The following DUSP16 variants were observed in gnomAD, a reference collection of about 807,000 sequenced individuals.
DUSP16 encodes dual specificity phosphatase 16.
In DUSP16, 21 loss-of-function variants were observed where a neutral mutation model predicts 58.3. The observed-to-expected ratio is 0.36, with a 90% confidence interval of 0.26 to 0.52. DUSP16 has a LOEUF of 0.52. Among genes scored for constraint, DUSP16 ranks in the 20% least tolerant of loss-of-function variants. DUSP16 has a pLI of 0.94. For synonymous variants in DUSP16, 320 were observed against 323.8 expected (o/e 0.99, Z 0.12); for missense variants, 726 against 819.0 (o/e 0.89, Z 1.39).
At chr12:12,537,950 C>T (rs957147301) in intron 1 of DUSP16, among the ~76,000 whole-genome samples, 15 of 152,056 alleles carry the variant, frequency 9.9e-5, no homozygotes, top group Admixed American at 9.8e-4. Flanking sequence ...CGAGCACCAA[C>T]TAGATTCAAT....
chr12:12,550,098 C>T (rs1944703655), intron 1 of DUSP16, among the ~76,000 whole-genome samples: 1 of 152,026 alleles, frequency 6.6e-6, no homozygotes, highest in South Asian at 2.1e-4. Flanking sequence ...CATGGTGAAA[C>T]CCTGTCTCTA....
intron 1 of DUSP16, among the ~76,000 whole-genome samples, chr12:12,543,733 A>T (rs1374354143): frequency 1.3e-5 from 2 of 152,148 alleles, no homozygotes; most frequent in African/African-American, 4.8e-5. Flanking sequence ...TTTTGTGAAG[A>T]GAAAAAAAGA....
intron 1 of DUSP16, among the ~76,000 whole-genome samples, chr12:12,540,780 T>G (rs908405822): frequency 2.0e-5 from 3 of 151,882 alleles, no homozygotes; most frequent in Non-Finnish European, 2.9e-5. Flanking sequence ...GTCAAGAGGT[T>G]TGGAGGGAGC....
chr12:12,484,971 A>G (rs1340494726), intron 5 of DUSP16, among the ~76,000 whole-genome samples: 1 of 151,012 alleles, frequency 6.6e-6, no homozygotes, highest in African/African-American at 2.4e-5. Flanking sequence ...TAGAAGTACA[A>G]TGGGAGGGTG....
intron 6 of DUSP16, among the ~76,000 whole-genome samples, chr12:12,478,484 G>A (rs757261701): frequency 1.3e-5 from 2 of 152,026 alleles, no homozygotes; most frequent in East Asian, 1.9e-4. Flanking sequence ...AGGACTACAC[G>A]CTTGGCTAAT....
chr12:12,500,628 G>A lies in DUSP16; in HGVS notation c.422C>T (p.Thr141Ile). ...CFPGLCEGKSTLVPTCISQPC... is the reference protein window; with the variant it reads ...CFPGLCEGKSILVPTCISQPC... ...CTGAGAAATGCAGGTAGGGACTAGAGTGGATTTTCCTTCACAGAGGCCAGG... is the reference window on the plus strand; with the variant it reads ...CTGAGAAATGCAGGTAGGGACTAGAATGGATTTTCCTTCACAGAGGCCAGG... The change falls in exon 4 of 7, where the codon ACT becomes ATT. Residue 141 changes from threonine to isoleucine, a missense_variant. Transcript: ENST00000298573. The A allele has an allele frequency of 1.2e-6, 2 of 1,609,850 alleles. No homozygotes were observed. The highest frequency in any genetic ancestry group is 1.7e-5 in the Admixed American group (1 of 59,294).
intron 3 of DUSP16, among the ~76,000 whole-genome samples, chr12:12,501,418 T>A (rs1943908305): frequency 6.6e-6 from 1 of 152,206 alleles, no homozygotes; most frequent in Admixed American, 6.5e-5. Flanking sequence ...GTCCTTACAA[T>A]GATCTGCTCT....
chr12:12,519,995 G>C lies in DUSP16; in HGVS notation c.234C>G (p.Asp78Glu). 1 of 1,614,044 alleles carries C rather than the reference G, an allele frequency of 6.2e-7. No individual in the cohort carries two copies. Among genetic ancestry groups the C allele is most frequent in the Non-Finnish European group, 8.5e-7 (1 of 1,179,940 alleles). ...CTACAACCTTCTGACTGCAATCAAT[G>C]TCAACCTGAAATGCAAACATGAGGC... Reference protein sequence around the residue: ...LIQHSAKHKVDIDCSQKVVVY... With the variant: ...LIQHSAKHKVEIDCSQKVVVY... Residue 78 changes from aspartate to glutamate, a missense_variant, in exon 3 of 7, where the codon GAC (aspartate) becomes GAG (glutamate). Transcript: ENST00000298573.
chr12:12,542,143 G>A (rs886721712), intron 1 of DUSP16, among the ~76,000 whole-genome samples: 4 of 152,158 alleles, frequency 2.6e-5, no homozygotes, highest in South Asian at 2.1e-4. Context: ...TTCAGAGGCC[G>A]AGGTGGGCGG....
chr12:12,557,772 C>T (rs933402168), intron 1 of DUSP16, among the ~76,000 whole-genome samples: 2 of 152,152 alleles, frequency 1.3e-5, no homozygotes, highest in African/African-American at 4.8e-5. Context: ...TGTTTATTGT[C>T]CTGTCTTCTC....
chr12:12,555,853 G>A (rs150238689), intron 1 of DUSP16, among the ~76,000 whole-genome samples: 2 of 152,058 alleles, frequency 1.3e-5, no homozygotes, highest in East Asian at 3.9e-4. Context: ...GACTAGCTGG[G>A]CAACATAGCA....
At chr12:12,538,400 T>C (rs910369611) in intron 1 of DUSP16, among the ~76,000 whole-genome samples, 2 of 152,170 alleles carry the variant, frequency 1.3e-5, no homozygotes, top group Non-Finnish European at 2.9e-5. Context: ...TTCCACTTAG[T>C]CTAGTGCATG....
intron 1 of DUSP16, among the ~76,000 whole-genome samples, chr12:12,529,957 T>C (rs890616168): frequency 2.0e-5 from 3 of 152,234 alleles, no homozygotes; most frequent in African/African-American, 7.2e-5. Context: ...CTTAGGTTGA[T>C]TCCTTATCTT....
chr12:12,523,060 T>C (rs1459007159), intron 1 of DUSP16, among the ~76,000 whole-genome samples: 1 of 152,188 alleles, frequency 6.6e-6, no homozygotes, highest in East Asian at 1.9e-4. Flanking sequence ...TAGATCATGT[T>C]TCCTAATTTT....
At chr12:12,524,590 C>T (rs532378140) in intron 1 of DUSP16, among the ~76,000 whole-genome samples, 1 of 152,264 alleles carries the variant, frequency 6.6e-6, no homozygotes, top group South Asian at 2.1e-4. Flanking sequence ...TGAAAGATGA[C>T]AAGAGAATAT....
chr12:12,483,963 TATA>T (rs1303976625), intron 5 of DUSP16, among the ~76,000 whole-genome samples: 2 of 148,716 alleles, frequency 1.3e-5, no homozygotes, highest in East Asian at 1.9e-4. Context: ...AAACTTAAAG[TATA>T]ATAATAAATA....
chr12:12,549,344 C>G (rs911170144), intron 1 of DUSP16, among the ~76,000 whole-genome samples: 5 of 152,122 alleles, frequency 3.3e-5, no homozygotes, highest in Non-Finnish European at 1.5e-5. Context: ...ATATGTGCAT[C>G]TCCATGACTC....
intron 1 of DUSP16, among the ~76,000 whole-genome samples, chr12:12,551,289 G>T (rs770241614): frequency 1.3e-5 from 2 of 151,744 alleles, no homozygotes; most frequent in Non-Finnish European, 2.9e-5. Flanking sequence ...ATCACTTGAG[G>T]CCAGGAGTTC....
At chr12:12,530,837 T>C (rs1381355017) in intron 1 of DUSP16, among the ~76,000 whole-genome samples, 1 of 152,174 alleles carries the variant, frequency 6.6e-6, no homozygotes, top group African/African-American at 2.4e-5. Flanking sequence ...GCAAGATATA[T>C]GTGTGAAAAA....
Sources: gnomAD v4.1 joint callset for allele counts (sites outside exome capture counted in the v4.1 genomes callset) on GRCh38, gnomAD v4.1.1 for gene constraint, MANE v1.5 for transcripts, NCBI Gene and HGNC (gene_info 2026-07-23, HGNC 2026-07-21) for gene names.